The following GRXCR1 variants were observed in gnomAD, a reference collection of about 807,000 sequenced individuals.
GRXCR1 encodes glutaredoxin and cysteine rich domain containing 1, also known as glutaredoxin domain-containing cysteine-rich protein 1.
Under a neutral mutation model 27.3 loss-of-function variants are expected in GRXCR1, and 27 were observed. The observed-to-expected ratio is 0.99, with a 90% CI of 0.73 to 1.37. GRXCR1 has a LOEUF of 1.37. GRXCR1 is among the 40% of genes most tolerant of loss of function. The pLI, the probability that GRXCR1 is intolerant of heterozygous loss-of-function variation, is 0.00. For missense variants in GRXCR1, 379 were observed against 354.4 expected, an observed-to-expected ratio of 1.07 and a Z score of -0.56; for synonymous variants, 122 against 131.1, an observed-to-expected ratio of 0.93 and a Z score of 0.47.
chr4:42,947,419 T>A (rs2109766623), intron 1 of GRXCR1, among the ~76,000 whole-genome samples: 1 of 152,292 alleles, frequency 6.6e-6, no homozygotes, highest in East Asian at 1.9e-4. Flanking sequence ...TCCTTGTCAA[T>A]GAAAAAGAAA....
chr4:42,903,475 C>A (rs1158310103), intron 1 of GRXCR1, among the ~76,000 whole-genome samples: 1 of 145,936 alleles, frequency 6.9e-6, no homozygotes, highest in Admixed American at 7.3e-5. Context: ...CCACGCCAGG[C>A]TAATTTTTTG....
Position 42,983,585 on chromosome 4 carries a change from C to A in GRXCR1, c.627+20451C>A, listed in dbSNP as rs556321670. The stretch of plus-strand genomic sequence containing the variant: ...AACTTTAAGGTAGTTTTTTCCAATT[C>A]TGTGAAGAAAGTCATTGGTAGCTTG... On this transcript the variant is annotated intron_variant, in intron 2 of 3. Transcript: ENST00000399770. 8.3e-4 allele frequency among the ~76,000 whole-genome samples: 126 copies of A among 151,932 alleles called. 1 individual carries two copies. The highest frequency in any genetic ancestry group is 2.9e-3 in the African/African-American group (119 of 41,448).
At chr4:43,023,277 G>A (rs1245139098) in intron 3 of GRXCR1, among the ~76,000 whole-genome samples, 1 of 152,152 alleles carries the variant, frequency 6.6e-6, no homozygotes, top group East Asian at 1.9e-4. Context: ...CTACATGGTA[G>A]TTTATGACCA....
At chr4:42,915,911 G>A (rs1416284826) in intron 1 of GRXCR1, among the ~76,000 whole-genome samples, 1 of 151,758 alleles carries the variant, frequency 6.6e-6, no homozygotes, top group African/African-American at 2.4e-5. Flanking sequence ...CTAGGTACTT[G>A]GAACTTTGGG....
chr4:42,996,652 G>A (rs1712171128), intron 2 of GRXCR1, among the ~76,000 whole-genome samples: 3 of 151,738 alleles, frequency 2.0e-5, no homozygotes, highest in Admixed American at 2.0e-4. Context: ...AATTTATACA[G>A]CAAAACTGTA....
At chr4:42,896,091 C>T (rs775098459) in intron 1 of GRXCR1, among the ~76,000 whole-genome samples, 1 of 152,022 alleles carries the variant, frequency 6.6e-6, no homozygotes, top group East Asian at 1.9e-4. Flanking sequence ...AAGCACTTAA[C>T]CTTAAACGTG....
chr4:42,899,677 T>C (rs1241161860), intron 1 of GRXCR1, among the ~76,000 whole-genome samples: 1 of 152,124 alleles, frequency 6.6e-6, no homozygotes, highest in Non-Finnish European at 1.5e-5. Context: ...TGCAAATCTC[T>C]AGAAGTGAAT....
chr4:42,982,145 G>A (rs542645905), intron 2 of GRXCR1, among the ~76,000 whole-genome samples: 29 of 151,400 alleles, frequency 1.9e-4, no homozygotes, highest in African/African-American at 5.6e-4. Flanking sequence ...ATGCTGGTGC[G>A]CTGCACCCAC....
At chr4:42,924,294 AAC>A (rs1008714040) in intron 1 of GRXCR1, among the ~76,000 whole-genome samples, 20 of 152,052 alleles carry the variant, frequency 1.3e-4, no homozygotes, top group African/African-American at 4.8e-4. Context: ...TTGTATAATA[AAC>A]ACACATATGT....
At chr4:43,020,487 T>A in intron 3 of GRXCR1, 68 bp downstream of exon 3, 1 of 998,678 alleles carries the variant, frequency 1.0e-6, no homozygotes, top group Non-Finnish European at 1.6e-6. Context: ...TATAATTGAG[T>A]TTTCCTAATT....
intron 2 of GRXCR1, among the ~76,000 whole-genome samples, chr4:43,008,941 T>G (rs1453057876): frequency 1.3e-5 from 2 of 152,210 alleles, no homozygotes; most frequent in African/African-American, 4.8e-5. Context: ...CTCTTTAGAG[T>G]CTGTTACTTT....
chr4:42,963,218 G>A (rs542390675), intron 2 of GRXCR1, 84 bp downstream of exon 2: 18 of 1,480,312 alleles, frequency 1.2e-5, no homozygotes, highest in South Asian at 5.7e-5. Flanking sequence ...CATTTGCAGC[G>A]TAACTACTGG....
At chr4:42,910,276 G>A (rs1746691854) in intron 1 of GRXCR1, among the ~76,000 whole-genome samples, 1 of 152,066 alleles carries the variant, frequency 6.6e-6, no homozygotes, top group Non-Finnish European at 1.5e-5. Flanking sequence ...TTTGGGTGGG[G>A]ACACAAAGCC....
chr4:43,029,490 TAATCTC>T (rs1713355388), intron 3 of GRXCR1, among the ~76,000 whole-genome samples: 1 of 152,188 alleles, frequency 6.6e-6, no homozygotes, highest in African/African-American at 2.4e-5. Flanking sequence ...TAATGGCACC[TAATCTC>T]CCCTAAACTG....
intron 2 of GRXCR1, among the ~76,000 whole-genome samples, chr4:43,002,534 C>G (rs912478702): frequency 6.6e-6 from 1 of 151,970 alleles, no homozygotes; most frequent in Non-Finnish European, 1.5e-5. Context: ...TGGTACAAAA[C>G]TACAAATTAA....
At chr4:42,905,393 T>TG (rs1746562879) in intron 1 of GRXCR1, among the ~76,000 whole-genome samples, 1 of 152,226 alleles carries the variant, frequency 6.6e-6, no homozygotes, top group Non-Finnish European at 1.5e-5. Context: ...TTTTAATACC[T>TG]TTCCATGCCA....
chr4:42,952,395 C>A (rs1368235232), intron 1 of GRXCR1, among the ~76,000 whole-genome samples: 1 of 152,040 alleles, frequency 6.6e-6, no homozygotes, highest in Non-Finnish European at 1.5e-5. Context: ...GAGGCACTGA[C>A]CTCGTGAAGG....
chr4:42,934,066 C>G (rs1241607772), intron 1 of GRXCR1, among the ~76,000 whole-genome samples: 1 of 151,718 alleles, frequency 6.6e-6, no homozygotes, highest in East Asian at 1.9e-4. Context: ...TTTAAATATC[C>G]AAATGAAGGA....
chr4:42,913,935 T>C (rs1461595206), intron 1 of GRXCR1, among the ~76,000 whole-genome samples: 1 of 152,212 alleles, frequency 6.6e-6, no homozygotes, highest in African/African-American at 2.4e-5. Flanking sequence ...CTTGGTGGCT[T>C]ACATGTTGTG....
Sources: allele counts gnomAD v4.1 joint callset (sites outside exome capture counted in the v4.1 genomes callset), GRCh38; gene constraint gnomAD v4.1.1; transcripts MANE v1.5; gene names NCBI Gene and HGNC (gene_info 2026-07-23, HGNC 2026-07-21).